The following PCDHGB6 variants were observed in gnomAD, a reference collection of about 807,000 sequenced individuals.
PCDHGB6 encodes protocadherin gamma subfamily B, 6, also known as protocadherin gamma-B6.
A neutral mutation model predicts 59.1 loss-of-function variants in PCDHGB6; 51 were observed. The ratio of observed to expected loss-of-function variants is 0.86; its 90% CI spans 0.69 to 1.09. The LOEUF is 1.09. Among genes scored for constraint, PCDHGB6 ranks in the 50% least tolerant of loss-of-function variants. The pLI, the probability that PCDHGB6 is intolerant of heterozygous loss-of-function variation, is 0.00. For missense variants in PCDHGB6, 1,148 were observed against 1,205.1 expected, an observed-to-expected ratio of 0.95 and a Z score of 0.70; for synonymous variants, 466 against 495.1, an observed-to-expected ratio of 0.94 and a Z score of 0.78.
At chr5:141,430,878 A>G in intron 1 of PCDHGB6, 1 of 1,600,748 alleles carries the variant, frequency 6.2e-7, no homozygotes, top group Admixed American at 1.8e-5. Context: ...GAAGAGCTGG[A>G]GAAAGGCTCT....
intron 1 of PCDHGB6, among the ~76,000 whole-genome samples, chr5:141,434,448 G>A (rs2097694852): frequency 6.6e-6 from 1 of 152,210 alleles, no homozygotes; most frequent in Non-Finnish European, 1.5e-5. Context: ...CATGCTGGAA[G>A]GTAGTGGGTT....
intron 1 of PCDHGB6, among the ~76,000 whole-genome samples, chr5:141,482,843 G>A (rs1005014887): frequency 7.1e-6 from 1 of 140,154 alleles, no homozygotes; most frequent in Non-Finnish European, 1.5e-5. Flanking sequence ...AGGCCAAGGT[G>A]GGCAGATCAC....
In PCDHGB6 at chr5:141,511,098, T is replaced by G; in HGVS notation, c.2718T>G (p.Ala906=). 6.2e-7 allele frequency: 1 copy of G among 1,614,132 alleles called. No individual in the cohort carries two copies. The highest frequency in any genetic ancestry group is 8.5e-7 in the Non-Finnish European group (1 of 1,179,996). ...PGSNATLTNA[A]GKRDGKAPAG... is the part of the protein sequence containing the mutation. The stretch of plus-strand genomic sequence containing the variant: ...GCAATGCCACACTGACCAACGCAGC[T>G]GGCAAGCGGGATGGCAAGGCCCCAG... Residue 906 remains alanine, a synonymous_variant, in exon 4 of 4, where the codon GCT becomes GCG. Transcript: ENST00000520790.
chr5:141,422,838 C>G, intron 1 of PCDHGB6: 3 of 1,614,252 alleles, frequency 1.9e-6, no homozygotes, highest in African/African-American at 2.7e-5. Flanking sequence ...TAGCACGTGA[C>G]AGCGGGGACC....
chr5:141,415,432 T>G, intron 1 of PCDHGB6: 1 of 1,614,222 alleles, frequency 6.2e-7, no homozygotes, highest in East Asian at 2.2e-5. Flanking sequence ...GGTTCGGGCT[T>G]TCCTGCAGAC....
chr5:141,419,660 A>C (rs759082983), intron 1 of PCDHGB6: 1 of 1,612,798 alleles, frequency 6.2e-7, no homozygotes, highest in Admixed American at 1.7e-5. Context: ...CTCGGGGCAC[A>C]ATGCCTGGCT....
chr5:141,427,832 T>C, intron 1 of PCDHGB6: 1 of 1,540,264 alleles, frequency 6.5e-7, no homozygotes, highest in Non-Finnish European at 8.9e-7. Flanking sequence ...TCGCGCAGCG[T>C]GCCTTCGACC....
rs1330713312 is a variant in PCDHGB6 at position 141,414,559 on chromosome 5, T to G, written c.2418+3939T>G. The stretch of plus-strand genomic sequence containing the variant: ...ACCTACCTTCTCTCAAGTCTCCTAC[T>G]TTACCTATATCCCAGAGAACAACGC... On this transcript the variant is annotated intron_variant, in intron 1 of 3. Coordinates refer to ENST00000520790, the MANE Select transcript of PCDHGB6 (RefSeq NM_018926.3). 5.0e-6 allele frequency: 8 copies of G among 1,613,782 alleles called. No homozygotes were observed. The Admixed American group carries it at 1.0e-4, about 20-fold the overall frequency.
chr5:141,408,692 ATAAAC>A lies in PCDHGB6; in HGVS notation c.492_496del (p.Ser166Ter). Reference sequence around the variant, plus strand: ...CCCTGCCACGGATCCTGATATAAACATAAACTCAATTAAAGATTATAAGATAAACT... The same window carrying A: ...CCCTGCCACGGATCCTGATATAAACATCAATTAAAGATTATAAGATAAACT... On this transcript the variant is annotated frameshift_variant, in exon 1 of 4. Transcript: ENST00000520790. LOFTEE classifies it high-confidence loss of function. 1.2e-6 allele frequency: 2 copies of A among 1,613,906 alleles called. No individual in the cohort carries two copies. Among genetic ancestry groups the A allele is most frequent in the Non-Finnish European group, 1.7e-6 (2 of 1,179,812 alleles).
intron 1 of PCDHGB6, among the ~76,000 whole-genome samples, chr5:141,481,790 A>C (rs2154579313): frequency 6.6e-6 from 1 of 152,222 alleles, no homozygotes; most frequent in East Asian, 1.9e-4. Flanking sequence ...CGTCTCTACT[A>C]AAAATACAAA....
intron 1 of PCDHGB6, chr5:141,417,697 C>T: frequency 8.8e-7 from 1 of 1,140,966 alleles, no homozygotes; most frequent in Non-Finnish European, 1.2e-6. Context: ...AAAACCAGCT[C>T]CCACACAGAG....
chr5:141,408,174 C>T lies in PCDHGB6; in HGVS notation c.-29C>T. The T allele has an allele frequency of 2.0e-6, 3 of 1,531,244 alleles. No homozygotes were observed. The highest frequency in any genetic ancestry group is 1.8e-6 in the Non-Finnish European group (2 of 1,136,206). The allele number at this position is 1,531,244 out of a possible 1,614,324, so 94.9% of individuals were successfully genotyped here. A position where few individuals can be genotyped will look rare whatever the true frequency, so the allele number is the denominator to read the frequency against. ...AGTGCACTTTCTCCAACTGGAAAAG[C>T]GGGGACCCAGCGAGAACCCGAGCGA... On this transcript the variant is annotated 5_prime_UTR_variant, in exon 1 of 4. Coordinates refer to ENST00000520790, the MANE Select transcript of PCDHGB6 (RefSeq NM_018926.3).
intron 1 of PCDHGB6, chr5:141,441,694 G>A (rs1443778772): frequency 2.3e-5 from 7 of 301,140 alleles, no homozygotes; most frequent in Non-Finnish European, 2.6e-5. Context: ...GAGCAGCCGC[G>A]AGCCTTCAAG....
chr5:141,494,236 T>C (rs1384800217), intron 1 of PCDHGB6, among the ~76,000 whole-genome samples: 7 of 152,128 alleles, frequency 4.6e-5, no homozygotes, highest in Non-Finnish European at 1.0e-4. Flanking sequence ...AAATTAATAA[T>C]GTATTTAGCT....
At chr5:141,453,464 C>A (rs186131587) in intron 1 of PCDHGB6, among the ~76,000 whole-genome samples, 16 of 152,090 alleles carry the variant, frequency 1.1e-4, no homozygotes, top group Non-Finnish European at 1.9e-4. Flanking sequence ...AAAACATTAA[C>A]ATAAAGTCAA....
At chr5:141,454,666 A>G (rs1561955978) in intron 1 of PCDHGB6, among the ~76,000 whole-genome samples, 1 of 152,104 alleles carries the variant, frequency 6.6e-6, no homozygotes, top group Non-Finnish European at 1.5e-5. Context: ...TCGGCCTCCC[A>G]AAACACTGGG....
chr5:141,507,810 G>A (rs550331241), intron 3 of PCDHGB6, among the ~76,000 whole-genome samples: 1 of 152,290 alleles, frequency 6.6e-6, no homozygotes, highest in African/African-American at 2.4e-5. Context: ...CCTGGGGAAC[G>A]GACCCTGGGG....
chr5:141,428,536 A>G (rs981530261), intron 1 of PCDHGB6: 1 of 273,778 alleles, frequency 3.7e-6, no homozygotes, highest in Non-Finnish European at 7.2e-6. Flanking sequence ...TTTTCTCACC[A>G]TGACACCAGA....
intron 3 of PCDHGB6, among the ~76,000 whole-genome samples, chr5:141,510,272 TAAAAAA>T (rs546154379): frequency 7.7e-6 from 1 of 130,390 alleles, no homozygotes; most frequent in Non-Finnish European, 1.6e-5. Context: ...GACTCCATCT[TAAAAAA>T]AAAAAAAAAA....
Sources: allele counts gnomAD v4.1 joint callset (sites outside exome capture counted in the v4.1 genomes callset), GRCh38; gene constraint gnomAD v4.1.1; transcripts MANE v1.5; gene names NCBI Gene and HGNC (gene_info 2026-07-23, HGNC 2026-07-21).